TM6SF1: variants seen among roughly 807,000 people sequenced by gnomAD.
The protein encoded by TM6SF1 is transmembrane 6 superfamily member 1.
A neutral mutation model predicts 47.1 loss-of-function variants in TM6SF1; 43 were observed. The observed-to-expected ratio is 0.91, with a 90% CI of 0.72 to 1.18. The LOEUF (loss-of-function observed/expected upper bound fraction) is 1.18. Among genes scored for constraint, TM6SF1 ranks in the 50% most tolerant of loss-of-function variants. TM6SF1 has a pLI of 0.00. For missense variants in TM6SF1, 390 were observed against 449.0 expected (o/e 0.87, Z 1.19); for synonymous variants, 177 against 166.3 (o/e 1.06, Z -0.49).
intron 3 of TM6SF1, among the ~76,000 whole-genome samples, chr15:83,118,234 C>T (rs576730971): frequency 0.01 from 858 of 84,164 alleles, 7 homozygotes; most frequent in African/African-American, 0.044. Context: ...TGTACGTACA[C>T]ACACACACAC....
rs1223450161 is a variant in TM6SF1, at chr15:83,134,652, A to T, written c.922-1829A>T. ...CAGGCTCCCCTATGCAAGTAGGCAC[A>T]ACTGCTCATATTTATTCTCTCAAAG... On this transcript the variant is annotated intron_variant, in intron 9 of 9. Coordinates refer to ENST00000322019, the MANE Select transcript of TM6SF1 (RefSeq NM_023003.5). 5 of 152,354 alleles carry T rather than the reference A, an allele frequency of 3.3e-5. No individual in the cohort carries two copies. In the East Asian group the frequency reaches 9.6e-4, roughly 29 times the overall value. The allele number at this position is 152,354 out of a possible 1,614,324, so 9.4% of individuals were successfully genotyped here.
intron 1 of TM6SF1, among the ~76,000 whole-genome samples, chr15:83,112,502 G>T (rs1181961934): frequency 6.6e-6 from 1 of 152,140 alleles, no homozygotes; most frequent in East Asian, 1.9e-4. Context: ...GTGCAGCAGG[G>T]TGGGGTGAGG....
chr15:83,120,829 G>A (rs1201333446), intron 4 of TM6SF1, among the ~76,000 whole-genome samples: 2 of 151,178 alleles, frequency 1.3e-5, no homozygotes, highest in Admixed American at 6.6e-5. Flanking sequence ...GCCTCCCAAA[G>A]TGCTGGGATT....
chr15:83,126,269 C>T (rs978517074), intron 7 of TM6SF1, among the ~76,000 whole-genome samples: 1 of 152,140 alleles, frequency 6.6e-6, no homozygotes, highest in African/African-American at 2.4e-5. Flanking sequence ...AAAGACTTTC[C>T]AGCAAGAGGA....
rs1035814988 is a variant in TM6SF1 at position 83,115,713 on chromosome 15, T to A, written c.197-132T>A. 6.8e-6 allele frequency: 5 copies of A among 733,236 alleles called. No homozygotes were observed. In the African/African-American group the frequency reaches 8.7e-5, roughly 13 times the overall value. 45.4% of individuals were successfully genotyped at this position (733,236 alleles called of 1,614,324 possible). ...GTGTGTAGAAGGGGTATTCTGTTAGTCTATCTCGATAATTGTCCACAGCAT... is the reference window on the plus strand; with the variant it reads ...GTGTGTAGAAGGGGTATTCTGTTAGACTATCTCGATAATTGTCCACAGCAT... On this transcript the variant is annotated intron_variant, in intron 2 of 9. Coordinates refer to ENST00000322019, the MANE Select transcript of TM6SF1 (RefSeq NM_023003.5).
At chr15:83,109,061 T>C (rs1445936456) in intron 1 of TM6SF1, among the ~76,000 whole-genome samples, 6 of 152,226 alleles carry the variant, frequency 3.9e-5, no homozygotes, top group Non-Finnish European at 8.8e-5. Context: ...GTTGGTGACA[T>C]AGCTATGAAC....
At chr15:83,110,148 A>G (rs2034015242) in intron 1 of TM6SF1, among the ~76,000 whole-genome samples, 1 of 152,076 alleles carries the variant, frequency 6.6e-6, no homozygotes. Context: ...GAAAAAGAAA[A>G]TTAGATTGAG....
At chr15:83,119,712 C>A (rs2035044573) in intron 4 of TM6SF1, 31 bp downstream of exon 4, 2 of 1,612,814 alleles carry the variant, frequency 1.2e-6, no homozygotes, top group South Asian at 2.2e-5. Context: ...TGTGCCTTTG[C>A]CACCTTAGCA....
At chr15:83,113,496 A>G (rs6603047) in intron 2 of TM6SF1, 58,470 of 152,608 alleles carry the variant, frequency 0.38, 13,277 homozygotes, top group African/African-American at 0.64. Context: ...TCCATCATGC[A>G]TGCTGCCCCA....
chr15:83,122,048 T>C, intron 5 of TM6SF1, 45 bp downstream of exon 5: 2 of 1,443,084 alleles, frequency 1.4e-6, no homozygotes, highest in Non-Finnish European at 1.9e-6. Flanking sequence ...TCTAAAACAA[T>C]GGGGCTTGTT....
Position 83,112,880 on chromosome 15 carries a change from C to T in TM6SF1, c.176C>T (p.Pro59Leu). Residue 59 changes from proline (P) to leucine (L), a missense_variant, in exon 2 of 10, where the codon CCC becomes CTC. By Grantham distance (98) the Pro-to-Leu change is moderately conservative. Coordinates refer to ENST00000322019, the MANE Select transcript of TM6SF1 (RefSeq NM_023003.5). ...CGTGTCCTCGTCAAAAGAAAACCAC[C>T]CCGGGACCCACTGTTCTATGGTACG... ...LARVLVKRKP[P>L]RDPLFYVYAV... 6.2e-7 allele frequency: 1 copy of T among 1,613,968 alleles called. No homozygotes were observed. Among genetic ancestry groups the T allele is most frequent in the Non-Finnish European group, 8.5e-7 (1 of 1,179,822 alleles).
chr15:83,132,213 GCTA>G (rs1398714799), intron 9 of TM6SF1: 2 of 152,212 alleles, frequency 1.3e-5, no homozygotes, highest in African/African-American at 2.4e-5. Flanking sequence ...ACCCTTTGTT[GCTA>G]CTATTACTGG....
chr15:83,127,055 A>G (rs12439903), intron 8 of TM6SF1, among the ~76,000 whole-genome samples: 37,783 of 151,856 alleles, frequency 0.25, 5,053 homozygotes, highest in African/African-American at 0.34. Flanking sequence ...CTAGCCGGGC[A>G]TGGTGGCACA....
chr15:83,128,446 C>T (rs1481834314), intron 9 of TM6SF1: 1 of 152,186 alleles, frequency 6.6e-6, no homozygotes, highest in East Asian at 1.9e-4. Context: ...AGAGAACTAA[C>T]ATTTATTGCT....
chr15:83,119,530 A>C (rs757195024), intron 3 of TM6SF1, 48 bp from the exon 4 acceptor site: 1 of 1,597,846 alleles, frequency 6.3e-7, no homozygotes, highest in Non-Finnish European at 8.6e-7. Flanking sequence ...GATGTTCTGC[A>C]TTTACAGGTC....
At chr15:83,123,294 T>C (rs1246861046) in intron 6 of TM6SF1, among the ~76,000 whole-genome samples, 2 of 152,064 alleles carry the variant, frequency 1.3e-5, no homozygotes, top group Non-Finnish European at 2.9e-5. Context: ...CTCCTCAAGG[T>C]AGTCTACACA....
chr15:83,119,856 T>A, intron 4 of TM6SF1, 175 bp downstream of exon 4: 1 of 952,988 alleles, frequency 1.0e-6, no homozygotes, highest in Non-Finnish European at 1.5e-6. Flanking sequence ...GCCTTTTGAA[T>A]ATGTCCTTCT....
intron 2 of TM6SF1, chr15:83,113,329 G>C (rs2034365473): frequency 5.1e-6 from 1 of 196,812 alleles, no homozygotes; most frequent in East Asian, 1.3e-4. Context: ...ATAGAGACAA[G>C]CACCTATAGT....
intron 3 of TM6SF1, among the ~76,000 whole-genome samples, chr15:83,118,535 C>T (rs1275497253): frequency 6.6e-6 from 1 of 152,112 alleles, no homozygotes; most frequent in Non-Finnish European, 1.5e-5. Flanking sequence ...AGAAGCAGAA[C>T]CTTGATTCTG....
Sources: gnomAD v4.1 joint callset for allele counts (sites outside exome capture counted in the v4.1 genomes callset) on GRCh38, gnomAD v4.1.1 for gene constraint, MANE v1.5 for transcripts, NCBI Gene and HGNC (gene_info 2026-07-23, HGNC 2026-07-21) for gene names.